Variants in APC observed in about 807,000 individuals in gnomAD.
The protein encoded by APC is APC regulator of Wnt signaling pathway.
In APC, 72 loss-of-function variants were observed where a neutral mutation model predicts 247.0. The observed-to-expected ratio is 0.29, with a 90% CI of 0.24 to 0.35. The LOEUF (loss-of-function observed/expected upper bound fraction) is 0.35. APC is among the 10% of genes least tolerant of loss of function. The pLI is 1.00. For synonymous variants in APC, 1,254 were observed against 1,162.5 expected (o/e 1.08, Z -1.60); for missense variants, 3,400 against 3,360.7 (o/e 1.01, Z -0.29).
intron 7 of APC, among the ~76,000 whole-genome samples, chr5:112,796,129 A>G (rs1760191282): frequency 1.3e-5 from 2 of 152,340 alleles, no homozygotes; most frequent in African/African-American, 2.4e-5. Context: ...TCCATGGACA[A>G]CAGGAAGTTG....
Position 112,840,808 on chromosome 5 carries a change from C to A in APC, c.5214C>A (p.His1738Gln), listed in dbSNP as rs1233603872. 6.2e-7 allele frequency: 1 copy of A among 1,614,086 alleles called. No individual in the cohort carries two copies. Among genetic ancestry groups the A allele is most frequent in the Non-Finnish European group, 8.5e-7 (1 of 1,179,968 alleles). ...INSAMPKGKS[H>Q]KPFRVKKIMD... is the part of the protein sequence containing the mutation. ...CTGCTATGCCCAAAGGGAAAAGTCACAAGCCTTTCCGTGTGAAAAAGATAA... is the reference window on the plus strand; with the variant it reads ...CTGCTATGCCCAAAGGGAAAAGTCAAAAGCCTTTCCGTGTGAAAAAGATAA... The change falls in exon 16 of 16, where the codon CAC becomes CAA. Residue 1738 changes from histidine to glutamine, a missense_variant. Transcript: ENST00000257430. The surrounding 1 kb of genome is among the most constrained non-coding windows in gnomAD (Gnocchi z 4.1).
chr5:112,731,854 C>T (rs961852607), intron 1 of APC, among the ~76,000 whole-genome samples: 11 of 152,130 alleles, frequency 7.2e-5, no homozygotes, highest in Admixed American at 2.0e-4. Context: ...CTCTGCCTCC[C>T]GGGCTCAAGT....
chr5:112,803,128 C>T (rs1188867434), intron 8 of APC, among the ~76,000 whole-genome samples: 3 of 152,022 alleles, frequency 2.0e-5, no homozygotes, highest in African/African-American at 7.2e-5. Context: ...ATCAATAACA[C>T]TCAGTAATGG....
rs1064793023 is a variant in APC, at chr5:112,821,901, G to A, written c.1318G>A (p.Ala440Thr). Reference protein sequence around the residue: ...GMDQDKNPMPAPVEHQICPAV... With the variant: ...GMDQDKNPMPTPVEHQICPAV... ...ATGTTGATTTTATTTTTCAGTGCCA[G>A]CTCCTGTTGAACATCAGATCTGTCC... The change falls in exon 11 of 16, where the codon GCT becomes ACT. Residue 440 changes from alanine to threonine, a missense_variant. Physicochemically the swap from Ala to Thr is moderately conservative, Grantham distance 58. Transcript: ENST00000257430. 2.5e-6 allele frequency: 4 copies of A among 1,611,958 alleles called. No individual in the cohort carries two copies. In the Admixed American group the frequency reaches 6.7e-5, roughly 27 times the overall value.
chr5:112,798,415 G>T (rs569551118), intron 7 of APC, among the ~76,000 whole-genome samples: 9 of 152,172 alleles, frequency 5.9e-5, no homozygotes, highest in Non-Finnish European at 1.2e-4. Context: ...TGGAAATGAG[G>T]ATTAACTGTA....
At chr5:112,739,894 C>G (rs920612322) in intron 1 of APC, among the ~76,000 whole-genome samples, 1 of 152,154 alleles carries the variant, frequency 6.6e-6, no homozygotes, top group African/African-American at 2.4e-5. Context: ...ATTTTAACAG[C>G]TCATTGTAGC....
upstream of APC, among the ~76,000 whole-genome samples, chr5:112,733,077 A>G (rs1249550067): frequency 6.6e-6 from 1 of 152,270 alleles, no homozygotes; most frequent in Non-Finnish European, 1.5e-5. Context: ...TAAGTCTTCA[A>G]TCTCCATATG....
intron 7 of APC, among the ~76,000 whole-genome samples, chr5:112,796,528 T>C (rs1160615263): frequency 1.3e-5 from 2 of 152,156 alleles, no homozygotes; most frequent in South Asian, 2.1e-4. Flanking sequence ...CATGACTGTC[T>C]TAAGCAAATA....
intron 15 of APC, among the ~76,000 whole-genome samples, chr5:112,835,830 C>T (rs1474772993): frequency 1.3e-5 from 2 of 151,878 alleles, no homozygotes; most frequent in Non-Finnish European, 2.9e-5. Flanking sequence ...GTCTCAGCCT[C>T]CCTAAGTGCT....
At chr5:112,811,323 C>G (rs1315720065) in intron 8 of APC, among the ~76,000 whole-genome samples, 2 of 152,172 alleles carry the variant, frequency 1.3e-5, no homozygotes, top group Admixed American at 1.3e-4. Flanking sequence ...GAAAGTTCAT[C>G]ACACTCAAGT....
At position 112,840,300 on chromosome 5, in the gene APC, A is replaced by G. The variant is rs1064794008; in HGVS notation, c.4706A>G (p.Asp1569Gly). 6.2e-7 allele frequency: 1 copy of G among 1,614,190 alleles called. No individual in the cohort carries two copies. Among genetic ancestry groups the G allele is most frequent in the Non-Finnish European group, 8.5e-7 (1 of 1,179,996 alleles). Reference sequence around the variant, plus strand: ...AAGGACCTATTAGATGATTCAGATGATGATGATATTGAAATACTAGAAGAA... The same window carrying G: ...AAGGACCTATTAGATGATTCAGATGGTGATGATATTGAAATACTAGAAGAA... ...SEKDLLDDSD[D>G]DDIEILEECI... Residue 1569 changes from aspartate (D) to glycine (G), a missense_variant, in exon 16 of 16, where the codon GAT becomes GGT. Around this residue, in one of 9 missense-constraint regions of APC, gnomAD observed 1,788 missense variants for 1,649.5 expected, o/e 1.08. Coordinates refer to ENST00000257430, the MANE Select transcript of APC (RefSeq NM_000038.6). The surrounding 1 kb of genome is among the most constrained non-coding windows in gnomAD (Gnocchi z 4.1).
chr5:112,788,948 G>A (rs1015418837), intron 6 of APC, among the ~76,000 whole-genome samples: 1 of 152,006 alleles, frequency 6.6e-6, no homozygotes, highest in Non-Finnish European at 1.5e-5. Context: ...ATACATCTTT[G>A]AATGGAAACA....
In APC at chr5:112,839,006, G is replaced by A. The variant is rs587781452; in HGVS notation, c.3412G>A (p.Asp1138Asn). The A allele has an allele frequency of 6.2e-7, 1 of 1,613,996 alleles. No homozygotes were observed. Among genetic ancestry groups the A allele is most frequent in the East Asian group, 2.2e-5 (1 of 44,866 alleles). ...SLCQEDDYED[D>N]KPTNYSERYS... is the part of the protein sequence containing the mutation. ...GTGTCAAGAAGATGACTATGAAGAT[G>A]ATAAGCCTACCAATTATAGTGAACG... The change falls in exon 16 of 16, where the codon GAT (aspartate) becomes AAT (asparagine). Residue 1138 changes from aspartate to asparagine, a missense_variant. By Grantham distance (23) the Asp-to-Asn change is conservative. Transcript: ENST00000257430. This position sits in a 1 kb window ranked among gnomAD's most constrained non-coding sequence, Gnocchi z 5.0.
chr5:112,811,171 G>A (rs1200429201), intron 8 of APC, among the ~76,000 whole-genome samples: 1 of 152,182 alleles, frequency 6.6e-6, no homozygotes, highest in Non-Finnish European at 1.5e-5. Flanking sequence ...ATAGGAAAAA[G>A]GACAGTGGGA....
chr5:112,746,629 C>T (rs1024592423), intron 1 of APC, among the ~76,000 whole-genome samples: 1 of 152,094 alleles, frequency 6.6e-6, no homozygotes, highest in Non-Finnish European at 1.5e-5. Flanking sequence ...GTGCTATTTA[C>T]GTTCAGCAAC....
chr5:112,793,422 T>C (rs1302375074), intron 7 of APC, among the ~76,000 whole-genome samples: 1 of 151,934 alleles, frequency 6.6e-6, no homozygotes, highest in East Asian at 1.9e-4. Context: ...CTGATTCTGC[T>C]GAGAGAACAT....
Position 112,842,734 on chromosome 5 carries a change from A to G in APC, c.7140A>G (p.Lys2380=), listed in dbSNP as rs1182690104. ...GRQMSQQNLT[K]QTGLSKNASS... ...AGATGAGCCAACAGAACCTTACCAA[A>G]CAAACAGGTTTATCCAAGAATGCCA... is the stretch of plus-strand genomic sequence containing the variant. The change falls in exon 16 of 16, where the codon AAA becomes AAG. Residue 2380 remains lysine (K), a synonymous_variant. Coordinates refer to ENST00000257430, the MANE Select transcript of APC (RefSeq NM_000038.6). The G allele has an allele frequency of 6.2e-7, 1 of 1,613,850 alleles. No homozygotes were observed. The highest frequency in any genetic ancestry group is 8.5e-7 in the Non-Finnish European group (1 of 1,179,888).
intron 1 of APC, among the ~76,000 whole-genome samples, chr5:112,745,882 A>G (rs1157765083): frequency 1.3e-5 from 2 of 152,196 alleles, no homozygotes; most frequent in Non-Finnish European, 1.5e-5. Flanking sequence ...TAAAAATAAC[A>G]AAGTAAACCA....
rs1754068129 is a variant in APC, at chr5:112,749,523, C to A, written c.-18-5350C>A. 2.5e-5 allele frequency among the ~76,000 whole-genome samples: 3 copies of A among 120,268 alleles called. No individual in the cohort carries two copies. The Admixed American group carries it at 3.5e-4, about 14-fold the overall frequency. The allele number at this position is 120,268 out of a possible 152,430, so 78.9% of individuals were successfully genotyped here. On this transcript the variant is annotated intron_variant, in intron 1 of 15. Transcript: ENST00000257430. ...TTTTTGATATGGAGTCTTGCTCTGT[C>A]ACCCAGGCTGGAGTGCAGTGGCATG... is the stretch of plus-strand genomic sequence containing the variant.
Sources: gnomAD v4.1 joint callset for allele counts (sites outside exome capture counted in the v4.1 genomes callset) on GRCh38, gnomAD v4.1.1 for gene constraint, gnomAD v4.1.1 regional missense constraint, Gnocchi (gnomAD v3.1) non-coding constraint, MANE v1.5 for transcripts, NCBI Gene and HGNC (gene_info 2026-07-23, HGNC 2026-07-21) for gene names.